The following CEP78 variants were observed in gnomAD, a reference collection of about 807,000 sequenced individuals.
CEP78 encodes the protein centrosomal protein of 78 kDa.
CEP78 carries 76 observed loss-of-function variants against 81.2 expected under a neutral mutation model. The observed-to-expected ratio is 0.94, with a 90% CI of 0.78 to 1.13. CEP78 has a LOEUF of 1.13. CEP78 is among the 50% of genes most tolerant of loss of function. The probability of loss-of-function intolerance (pLI) is 0.00; values close to 1 mark genes in which losing one functional copy is unlikely to be tolerated. For missense variants in CEP78, 918 were observed against 846.8 expected (o/e 1.08, Z -1.04); for synonymous variants, 293 against 301.4 (o/e 0.97, Z 0.29).
intron 13 of CEP78, among the ~76,000 whole-genome samples, chr9:78,264,645 T>TAA (rs34285580): frequency 8.3e-4 from 99 of 119,350 alleles, no homozygotes; most frequent in Admixed American, 1.5e-3. Flanking sequence ...GCCCATCTCT[T>TAA]AAAAAAAAAA....
chr9:78,251,668 TCTAGACAACTTATATTTTTA>T, intron 8 of CEP78, among the ~76,000 whole-genome samples: 1 of 151,682 alleles, frequency 6.6e-6, no homozygotes, highest in Admixed American at 6.6e-5. Context: ...AACTTGTTAC[TCTAGACAACTTATATTTTTA>T]TATATTTATT....
At chr9:78,245,966 A>C (rs910162498) in intron 5 of CEP78, among the ~76,000 whole-genome samples, 1 of 152,260 alleles carries the variant, frequency 6.6e-6, no homozygotes, top group African/African-American at 2.4e-5. Context: ...GAATTTGATG[A>C]TGAATCTAGT....
At chr9:78,270,659 C>T (rs1351853280) in intron 16 of CEP78, among the ~76,000 whole-genome samples, 182 bp from the exon 17 acceptor site, 1 of 152,174 alleles carries the variant, frequency 6.6e-6, no homozygotes, top group Non-Finnish European at 1.5e-5. Flanking sequence ...GTTCTATATC[C>T]AATAATGAGT....
chr9:78,239,958 G>T, intron 1 of CEP78, 65 bp from the exon 2 acceptor site: 1 of 1,326,502 alleles, frequency 7.5e-7, no homozygotes. Flanking sequence ...TTAGCACAGA[G>T]CAGATGTTTT....
chr9:78,249,761 A>G (rs1482019814), intron 8 of CEP78: 1 of 152,138 alleles, frequency 6.6e-6, no homozygotes, highest in Non-Finnish European at 1.5e-5. Flanking sequence ...GCCAAATCTA[A>G]TGTGAAAGTG....
intron 11 of CEP78, among the ~76,000 whole-genome samples, chr9:78,257,930 T>C (rs1272706425): frequency 6.6e-6 from 1 of 152,218 alleles, no homozygotes; most frequent in African/African-American, 2.4e-5. Flanking sequence ...GCTGTGGCAC[T>C]GAAACTGTAT....
At chr9:78,236,833 C>T (rs1011616807) in intron 1 of CEP78, among the ~76,000 whole-genome samples, 1 of 152,168 alleles carries the variant, frequency 6.6e-6, no homozygotes, top group Non-Finnish European at 1.5e-5. Flanking sequence ...CCCTGCGCTG[C>T]TGATGCCTGC....
Position 78,279,123 on chromosome 9 carries a change from G to C in CEP78, c.*8272G>C, listed in dbSNP as rs1232412662. The C allele has an allele frequency of 6.6e-6, 1 of 150,670 alleles. No individual in the cohort carries two copies. The highest frequency in any genetic ancestry group is 6.6e-5 in the Admixed American group (1 of 15,124). 9.3% of individuals were successfully genotyped at this position (150,670 alleles called of 1,614,324 possible). On this transcript the variant is annotated 3_prime_UTR_variant, in exon 17 of 17. Coordinates refer to ENST00000643273, the MANE Select transcript of CEP78 (RefSeq NM_001330691.3). ...AGAAATAGATAAGGACCCACTTATA[G>C]ATTAAATAATAATTAGCTTGTTCCA...
chr9:78,239,552 T>A (rs1302589712), intron 1 of CEP78, among the ~76,000 whole-genome samples: 3 of 152,206 alleles, frequency 2.0e-5, no homozygotes, highest in Non-Finnish European at 4.4e-5. Context: ...CCTTAATGTG[T>A]CAGTGGTAGC....
At chr9:78,261,335 A>G (rs973227371) in intron 11 of CEP78, among the ~76,000 whole-genome samples, 1 of 152,192 alleles carries the variant, frequency 6.6e-6, no homozygotes. Context: ...GTTGTTGTAC[A>G]GGATAACATT....
chr9:78,250,205 G>T (rs2118271086), intron 8 of CEP78: 1 of 398,036 alleles, frequency 2.5e-6, no homozygotes, highest in East Asian at 3.6e-5. Context: ...GCTATTTTAA[G>T]AGTAACTTTA....
chr9:78,269,727 G>T (rs967541620), intron 16 of CEP78, among the ~76,000 whole-genome samples: 1 of 152,194 alleles, frequency 6.6e-6, no homozygotes, highest in African/African-American at 2.4e-5. Context: ...ATGCCCTGAG[G>T]GGGCAATGAA....
chr9:78,268,717 C>T (rs543993504), intron 16 of CEP78, among the ~76,000 whole-genome samples: 98 of 139,608 alleles, frequency 7.0e-4, no homozygotes, highest in African/African-American at 2.6e-3. Flanking sequence ...GAGTCTTGCT[C>T]TGTCGCCCAG....
chr9:78,243,508 G>T lies in CEP78; in HGVS notation c.650G>T (p.Arg217Leu). 1 of 1,613,692 alleles carries T rather than the reference G, an allele frequency of 6.2e-7. No individual in the cohort carries two copies. Among genetic ancestry groups the T allele is most frequent in the Non-Finnish European group, 8.5e-7 (1 of 1,179,738 alleles). Reference protein sequence around the residue: ...RHEETWAESLRYRRPDLDCMA... With the variant: ...RHEETWAESLLYRRPDLDCMA... ...GAAGAAACCTGGGCTGAGAGTCTTCGCTATAGGAGACCTGATCTTGACTGT... is the reference window on the plus strand; with the variant it reads ...GAAGAAACCTGGGCTGAGAGTCTTCTCTATAGGAGACCTGATCTTGACTGT... Residue 217 changes from arginine (R) to leucine (L), a missense_variant, in exon 5 of 17, where the codon CGC (arginine) becomes CTC (leucine). By Grantham distance (102) the Arg-to-Leu change is moderately radical. Transcript: ENST00000643273.
chr9:78,246,640 G>C, intron 5 of CEP78, 29 bp from the exon 6 acceptor site: 1 of 1,363,780 alleles, frequency 7.3e-7, no homozygotes, highest in Non-Finnish European at 1.0e-6. Context: ...TATAGAATTA[G>C]CAAGTGACCC....
chr9:78,257,227 A>C (rs936359172), intron 11 of CEP78, among the ~76,000 whole-genome samples: 11 of 152,308 alleles, frequency 7.2e-5, no homozygotes, highest in African/African-American at 2.6e-4. Flanking sequence ...CCGGTCACTT[A>C]AAAACCATAA....
chr9:78,263,583 T>C (rs1827376052), intron 12 of CEP78, among the ~76,000 whole-genome samples: 1 of 152,190 alleles, frequency 6.6e-6, no homozygotes. Context: ...CCTGATTGTA[T>C]AAGGCAAAAG....
chr9:78,250,818 A>T (rs1192545981), intron 8 of CEP78, among the ~76,000 whole-genome samples: 2 of 152,206 alleles, frequency 1.3e-5, no homozygotes, highest in African/African-American at 4.8e-5. Flanking sequence ...TTTTAGGATA[A>T]TTAAAAACAG....
intron 10 of CEP78, chr9:78,254,635 A>G (rs1407708362): frequency 1.9e-5 from 5 of 266,764 alleles, no homozygotes; most frequent in Non-Finnish European, 3.5e-5. Context: ...TATAAACCTT[A>G]TATGAGAGAA....
Sources: allele counts gnomAD v4.1 joint callset (sites outside exome capture counted in the v4.1 genomes callset), GRCh38; gene constraint gnomAD v4.1.1; transcripts MANE v1.5; gene names NCBI Gene and HGNC (gene_info 2026-07-23, HGNC 2026-07-21).